Variants in ZNF639 observed in about 807,000 individuals in gnomAD.
The protein encoded by ZNF639 is zinc finger protein 639, also known as zinc finger amplified in esophageal squamous cell carcinomas 1.
Under a neutral mutation model 39.8 loss-of-function variants are expected in ZNF639, and 20 were observed. The ratio of observed to expected loss-of-function variants is 0.50; its 90% CI spans 0.35 to 0.73. ZNF639 has a LOEUF of 0.73. ZNF639 is among the 30% of genes least tolerant of loss of function. ZNF639 has a pLI of 0.00. For missense variants in ZNF639, 477 were observed against 566.2 expected (o/e 0.84, Z 1.60); for synonymous variants, 176 against 189.8 (o/e 0.93, Z 0.60).
intron 3 of ZNF639, among the ~76,000 whole-genome samples, chr3:179,328,964 A>G (rs2108498839): frequency 6.6e-6 from 1 of 152,208 alleles, no homozygotes; most frequent in South Asian, 2.1e-4. Flanking sequence ...GTTAAAGTAG[A>G]GATGGGGTTT....
Position 179,335,155 on chromosome 3 carries a change from T to A in ZNF639, c.*733T>A, listed in dbSNP as rs531178964. 1 of 152,342 alleles carries A rather than the reference T, an allele frequency of 6.6e-6. No individual in the cohort carries two copies. Among genetic ancestry groups the A allele is most frequent in the African/African-American group, 2.4e-5 (1 of 41,574 alleles). 9.4% of individuals were successfully genotyped at this position (152,342 alleles called of 1,614,324 possible). ...TGTTGTCCAGGATGGAGTGCAGTGG[T>A]TGATCATAGCTCCCGGGCTGTAGTC... On this transcript the variant is annotated 3_prime_UTR_variant, in exon 6 of 6. Transcript: ENST00000496856.
Position 179,336,722 on chromosome 3 carries a change from T to C in ZNF639, c.*2300T>C, listed in dbSNP as rs1711539854. On this transcript the variant is annotated 3_prime_UTR_variant, in exon 6 of 6. Coordinates refer to ENST00000496856, the MANE Select transcript of ZNF639 (RefSeq NM_001303426.2). ...TGGGAGTGGGATCCAGGTTATCTGG[T>C]TTACTGTCTAGTGATGTTTCCATTA... The C allele has an allele frequency of 1.3e-5, 2 of 152,224 alleles. No individual in the cohort carries two copies. The highest frequency in any genetic ancestry group is 4.8e-5 in the African/African-American group (2 of 41,458). The allele number at this position is 152,224 out of a possible 1,614,324, so 9.4% of individuals were successfully genotyped here.
Position 179,335,873 on chromosome 3 carries a change from C to T in ZNF639, c.*1451C>T, listed in dbSNP as rs1269523241. ...TGGCGCGATCTCAGCTCATTGCAAC[C>T]TCCGCCTCCCAGGTTCAAGTGATTC... On this transcript the variant is annotated 3_prime_UTR_variant, in exon 6 of 6. Coordinates refer to ENST00000496856, the MANE Select transcript of ZNF639 (RefSeq NM_001303426.2). The T allele has an allele frequency of 6.6e-6, 1 of 151,724 alleles. No homozygotes were observed. The highest frequency in any genetic ancestry group is 6.6e-5 in the Admixed American group (1 of 15,204). 9.4% of individuals were successfully genotyped at this position (151,724 alleles called of 1,614,324 possible). A position where few individuals can be genotyped will look rare whatever the true frequency, so the allele number is the denominator to read the frequency against.
chr3:179,330,511 C>T lies in ZNF639; in HGVS notation c.169+783C>T, dbSNP rs1727848616. Reference sequence around the variant, plus strand: ...GTGTTGCCCAGGCTGGTCTTGAACTCCTGGCCTCAAGCAGTCCTCCCATGT... The same window carrying T: ...GTGTTGCCCAGGCTGGTCTTGAACTTCTGGCCTCAAGCAGTCCTCCCATGT... On this transcript the variant is annotated intron_variant, in intron 4 of 5. Transcript: ENST00000496856. Among the ~76,000 whole-genome samples, 4 of 152,138 alleles carry T rather than the reference C, an allele frequency of 2.6e-5. No homozygotes were observed. In the South Asian group the frequency reaches 6.2e-4, roughly 24 times the overall value.
chr3:179,324,935 G>A (rs1444096634), intron 1 of ZNF639: 1 of 152,170 alleles, frequency 6.6e-6, no homozygotes, highest in East Asian at 1.9e-4. Flanking sequence ...TTCTCTTTTT[G>A]ATTTTTGAAT....
Position 179,323,268 on chromosome 3 carries a change from G to C in ZNF639, c.-106G>C. 1 of 985,340 alleles carries C rather than the reference G, an allele frequency of 1.0e-6. No homozygotes were observed. The highest frequency in any genetic ancestry group is 6.1e-5 in the Admixed American group (1 of 16,268). 61.0% of individuals were successfully genotyped at this position (985,340 alleles called of 1,614,324 possible). A position where few individuals can be genotyped will look rare whatever the true frequency, so the allele number is the denominator to read the frequency against. On this transcript the variant is annotated 5_prime_UTR_variant, in exon 1 of 6. Transcript: ENST00000496856. ...GCCGCCGCCTCTGCGTGGGCCGGCC[G>C]GGAGGGCCTCGGGGGACTGACTGGT...
At chr3:179,326,630 A>AT (rs1290366086) in intron 1 of ZNF639, among the ~76,000 whole-genome samples, 1 of 150,382 alleles carries the variant, frequency 6.6e-6, no homozygotes, top group Non-Finnish European at 1.5e-5. Context: ...TTTTGTTTTG[A>AT]TTTTTTGTTT....
intron 1 of ZNF639, chr3:179,325,080 G>A (rs1727510658): frequency 6.6e-6 from 1 of 152,220 alleles, no homozygotes; most frequent in Non-Finnish European, 1.5e-5. Context: ...GGAGGACAAT[G>A]ATGTGATCTC....
In ZNF639 at chr3:179,335,852, G is replaced by A. The variant is rs532578142; in HGVS notation, c.*1430G>A. 7 of 150,090 alleles carry A rather than the reference G, an allele frequency of 4.7e-5. No individual in the cohort carries two copies. The highest frequency in any genetic ancestry group is 2.0e-4 in the Admixed American group (3 of 14,832). The allele number at this position is 150,090 out of a possible 1,614,324, so 9.3% of individuals were successfully genotyped here. On this transcript the variant is annotated 3_prime_UTR_variant, in exon 6 of 6. Coordinates refer to ENST00000496856, the MANE Select transcript of ZNF639 (RefSeq NM_001303426.2). ...GTCGCCCAGGCTGGAGTACAGTGGC[G>A]CGATCTCAGCTCATTGCAACCTCCG...
rs369322170 is a variant in ZNF639 at position 179,334,206 on chromosome 3, T to C, written c.1242T>C (p.Ser414=). Residue 414 remains serine, a synonymous_variant, in exon 6 of 6, where the codon AGT becomes AGC. Transcript: ENST00000496856. The part of the protein sequence containing the change: ...VCDDCGKGFS[S]MLEYCKHLNS... ...ATGACTGTGGGAAAGGCTTTTCAAG[T>C]ATGCTAGAATATTGCAAGCATTTAA... 7.4e-6 allele frequency: 12 copies of C among 1,613,328 alleles called. No homozygotes were observed. The African/African-American group carries it at 1.5e-4, about 20-fold the overall frequency.
intron 1 of ZNF639, among the ~76,000 whole-genome samples, chr3:179,327,185 G>A (rs1252020152): frequency 6.6e-6 from 1 of 151,804 alleles, no homozygotes; most frequent in African/African-American, 2.4e-5. Context: ...AGCAAAACTC[G>A]GTCTCAAAAA....
At chr3:179,327,146 C>T (rs528278462) in intron 1 of ZNF639, among the ~76,000 whole-genome samples, 21 of 152,052 alleles carry the variant, frequency 1.4e-4, no homozygotes, top group African/African-American at 4.6e-4. Flanking sequence ...GCTGAGATCG[C>T]GCCATTGCAC....
In ZNF639 at chr3:179,332,916, A is replaced by T. The variant is rs1042251689; in HGVS notation, c.170-73A>T. ...TTGGAATTCAAAATCATATTTAAAAATTGATGCTTTGTTCTATAATTAATG... is the reference window on the plus strand; with the variant it reads ...TTGGAATTCAAAATCATATTTAAAATTTGATGCTTTGTTCTATAATTAATG... On this transcript the variant is annotated intron_variant, in intron 4 of 5. Coordinates refer to ENST00000496856, the MANE Select transcript of ZNF639 (RefSeq NM_001303426.2). The T allele has an allele frequency of 6.4e-5, 92 of 1,444,984 alleles. 1 individual carries two copies. In the Middle Eastern group the frequency reaches 2.3e-3, roughly 37 times the overall value. 89.5% of individuals were successfully genotyped at this position (1,444,984 alleles called of 1,614,324 possible).
intron 1 of ZNF639, among the ~76,000 whole-genome samples, chr3:179,325,885 A>G (rs1727562928): frequency 6.6e-6 from 1 of 151,206 alleles, no homozygotes; most frequent in South Asian, 2.1e-4. Flanking sequence ...TGTCCGAAAA[A>G]AAAGTAAAAA....
intron 4 of ZNF639, 31 bp downstream of exon 4, chr3:179,329,759 T>A: frequency 8.4e-7 from 1 of 1,187,664 alleles, no homozygotes; most frequent in African/African-American, 1.5e-5. Flanking sequence ...AATATGTTTC[T>A]TTAAACTGCT....
Position 179,338,087 on chromosome 3 carries a change from A to T in ZNF639, c.*3665A>T, listed in dbSNP as rs950135356. 2.0e-5 allele frequency: 3 copies of T among 152,106 alleles called. No individual in the cohort carries two copies. The highest frequency in any genetic ancestry group is 7.2e-5 in the African/African-American group (3 of 41,422). 9.4% of individuals were successfully genotyped at this position (152,106 alleles called of 1,614,324 possible). ...GCCAGTCTTTATTTTTAACTTAAAGAACTTCAGAAAAACAAACCTACCTAA... is the reference window on the plus strand; with the variant it reads ...GCCAGTCTTTATTTTTAACTTAAAGTACTTCAGAAAAACAAACCTACCTAA... On this transcript the variant is annotated 3_prime_UTR_variant, in exon 6 of 6. Coordinates refer to ENST00000496856, the MANE Select transcript of ZNF639 (RefSeq NM_001303426.2).
chr3:179,330,771 T>C (rs895210316), intron 4 of ZNF639, among the ~76,000 whole-genome samples: 1 of 152,266 alleles, frequency 6.6e-6, no homozygotes, highest in Non-Finnish European at 1.5e-5. Context: ...TTGGTTCCTC[T>C]GTTCTACAGC....
At position 179,333,290 on chromosome 3, in the gene ZNF639, T is replaced by C; in HGVS notation, c.326T>C (p.Ile109Thr). The change falls in exon 6 of 6, where the codon ATT (isoleucine) becomes ACT (threonine). Residue 109 changes from isoleucine to threonine, a missense_variant. By Grantham distance (89) the Ile-to-Thr change is moderately conservative. Transcript: ENST00000496856. The stretch of plus-strand genomic sequence containing the variant: ...TCAGAAAAATCTGCTGATATTGTAA[T>C]TTGTGATGAAGAGTGTGACTCACCT... ...FSTEKSADIV[I>T]CDEECDSPES... 1 of 1,603,070 alleles carries C rather than the reference T, an allele frequency of 6.2e-7. No homozygotes were observed. Among genetic ancestry groups the C allele is most frequent in the Non-Finnish European group, 8.5e-7 (1 of 1,175,048 alleles).
intron 1 of ZNF639, among the ~76,000 whole-genome samples, chr3:179,326,674 G>C (rs1727610626): frequency 6.6e-6 from 1 of 151,256 alleles, no homozygotes; most frequent in Non-Finnish European, 1.5e-5. Flanking sequence ...GCCCAGGCTG[G>C]AGTGCAGTGG....
Sources: gnomAD v4.1 joint callset for allele counts (sites outside exome capture counted in the v4.1 genomes callset) on GRCh38, gnomAD v4.1.1 for gene constraint, MANE v1.5 for transcripts, NCBI Gene and HGNC (gene_info 2026-07-23, HGNC 2026-07-21) for gene names.